The following REV1 variants were observed in gnomAD, a reference collection of about 807,000 sequenced individuals.
REV1 encodes REV1 DNA directed polymerase, also known as translesion synthesis protein REV1.
REV1 carries 42 observed loss-of-function variants against 137.4 expected under a neutral mutation model. The observed-to-expected ratio is 0.31, with a 90% CI of 0.24 to 0.40. The LOEUF (loss-of-function observed/expected upper bound fraction) is 0.40, where lower values mean the gene tolerates loss of function less well. Ranked by LOEUF, REV1 falls within the 10% of genes least tolerant of loss-of-function variation. REV1 has a pLI of 1.00. For synonymous variants in REV1, 524 were observed against 519.2 expected, an observed-to-expected ratio of 1.01 and a Z score of -0.12; for missense variants, 1,282 against 1,490.1, an observed-to-expected ratio of 0.86 and a Z score of 2.30.
chr2:99,470,274 C>T (rs1685268992), intron 1 of REV1, among the ~76,000 whole-genome samples: 2 of 152,100 alleles, frequency 1.3e-5, no homozygotes, highest in South Asian at 2.1e-4. Flanking sequence ...ATCTGTAACT[C>T]TAAAGTCTGT....
intron 14 of REV1, 124 bp downstream of exon 14, chr2:99,410,571 A>C: frequency 2.4e-6 from 2 of 832,036 alleles, no homozygotes; most frequent in East Asian, 5.5e-5. Context: ...GCTTCTACAG[A>C]ATACCAGATT....
Position 99,402,950 on chromosome 2 carries a change from C to A in REV1, c.3323G>T (p.Ser1108Ile), listed in dbSNP as rs764318798. Residue 1108 changes from serine to isoleucine, a missense_variant, in exon 20 of 23, where the codon AGT becomes ATT. Ser to Ile is a moderately radical substitution (Grantham distance 142). Transcript: ENST00000258428. ...PAKTLPGACGSPQKLIDGFLK... is the reference protein window; with the variant it reads ...PAKTLPGACGIPQKLIDGFLK... Reference sequence around the variant, plus strand: ...AAACCCATCAATTAACTTCTGGGGACTGCCACAGGCCCCTGGCAGAGTTTT... The same window carrying A: ...AAACCCATCAATTAACTTCTGGGGAATGCCACAGGCCCCTGGCAGAGTTTT... 1.4e-5 allele frequency: 23 copies of A among 1,614,126 alleles called. No homozygotes were observed. The highest frequency in any genetic ancestry group is 1.9e-5 in the Non-Finnish European group (22 of 1,180,058).
At chr2:99,454,588 A>C (rs867638223) in intron 3 of REV1, among the ~76,000 whole-genome samples, 7 of 144,516 alleles carry the variant, frequency 4.8e-5, no homozygotes, top group Admixed American at 2.1e-4. Flanking sequence ...AAAAAAAAAA[A>C]AAACCCAAAA....
At chr2:99,469,034 C>T (rs781183244) in intron 1 of REV1, among the ~76,000 whole-genome samples, 1 of 152,164 alleles carries the variant, frequency 6.6e-6, no homozygotes, top group African/African-American at 2.4e-5. Flanking sequence ...GTGAGTCTAA[C>T]AGCACTGAGC....
chr2:99,481,327 AT>A (rs1319000556), intron 1 of REV1, among the ~76,000 whole-genome samples: 3 of 152,218 alleles, frequency 2.0e-5, no homozygotes, highest in Admixed American at 6.5e-5. Context: ...AAGCTACAAA[AT>A]TTATGTAATT....
chr2:99,421,043 TGGA>T (rs1678592088), intron 11 of REV1, among the ~76,000 whole-genome samples: 2 of 152,202 alleles, frequency 1.3e-5, no homozygotes, highest in South Asian at 4.1e-4. Flanking sequence ...TGGATGGAGA[TGGA>T]GGAGAGACTG....
intron 3 of REV1, among the ~76,000 whole-genome samples, chr2:99,450,515 A>G (rs1682801519): frequency 6.6e-6 from 1 of 152,200 alleles, no homozygotes; most frequent in Non-Finnish European, 1.5e-5. Context: ...TATGACAATA[A>G]TTAGGTGAGC....
At chr2:99,475,888 G>A (rs1307019295) in intron 1 of REV1, among the ~76,000 whole-genome samples, 2 of 152,178 alleles carry the variant, frequency 1.3e-5, no homozygotes, top group African/African-American at 2.4e-5. Context: ...GGAGGCTGAG[G>A]CAGAGAACTG....
rs1677043359 is a variant in REV1, at chr2:99,410,896, C to T, written c.2173-29G>A. On this transcript the variant is annotated intron_variant, in intron 13 of 22. Transcript: ENST00000258428. ...TGGAAAGACAAACGTGGAGAAACTACCATTCCACTTTCCTATATACCTAAT... is the reference window on the plus strand; with the variant it reads ...TGGAAAGACAAACGTGGAGAAACTATCATTCCACTTTCCTATATACCTAAT... 5.8e-6 allele frequency: 9 copies of T among 1,555,854 alleles called. No homozygotes were observed. The South Asian group carries it at 6.1e-5, about 10-fold the overall frequency.
At chr2:99,407,103 T>TTTTTTTTTTTTC (rs1676428085) in intron 15 of REV1, among the ~76,000 whole-genome samples, 1 of 141,294 alleles carries the variant, frequency 7.1e-6, no homozygotes, top group Non-Finnish European at 1.5e-5. Context: ...TTTTTTTTTT[T>TTTTTTTTTTTTC]TTTTGAGACA....
chr2:99,405,610 TAC>T, intron 17 of REV1: 1 of 229,674 alleles, frequency 4.4e-6, no homozygotes, highest in Non-Finnish European at 8.4e-6. Flanking sequence ...CCTTGCTGAA[TAC>T]AGTAAGTCTG....
intron 3 of REV1, among the ~76,000 whole-genome samples, chr2:99,457,681 T>A: frequency 7.0e-6 from 1 of 143,090 alleles, no homozygotes; most frequent in African/African-American, 2.7e-5. Context: ...TGAGACCCTG[T>A]CTCAAGAAAA....
At chr2:99,403,524 T>C in intron 19 of REV1, 171 bp downstream of exon 19, 2 of 852,266 alleles carry the variant, frequency 2.3e-6, no homozygotes, top group Non-Finnish European at 3.6e-6. Context: ...CAAATCCAAC[T>C]AGAAATATGA....
chr2:99,459,700 T>C (rs1683959988), intron 3 of REV1, among the ~76,000 whole-genome samples: 1 of 152,104 alleles, frequency 6.6e-6, no homozygotes, highest in African/African-American at 2.4e-5. Flanking sequence ...AGGGAGACCC[T>C]ATCTCAAAAC....
intron 13 of REV1, among the ~76,000 whole-genome samples, chr2:99,411,822 C>G (rs527998086): frequency 1.3e-5 from 2 of 152,182 alleles, no homozygotes; most frequent in African/African-American, 4.8e-5. Context: ...GCCCAAACAT[C>G]ATCTATCTCC....
intron 1 of REV1, among the ~76,000 whole-genome samples, chr2:99,488,913 AT>A (rs1413116960): frequency 2.6e-5 from 4 of 152,360 alleles, no homozygotes; most frequent in Admixed American, 6.5e-5. Context: ...AGTCTGCATT[AT>A]TTTCACCTAA....
chr2:99,461,247 AC>A (rs1559387952), intron 3 of REV1, among the ~76,000 whole-genome samples: 1 of 152,226 alleles, frequency 6.6e-6, no homozygotes, highest in Non-Finnish European at 1.5e-5. Flanking sequence ...CTCTTACTAA[AC>A]CAGATAAATG....
intron 3 of REV1, among the ~76,000 whole-genome samples, chr2:99,458,882 G>T (rs1683827768): frequency 6.6e-6 from 1 of 152,148 alleles, no homozygotes; most frequent in Non-Finnish European, 1.5e-5. Context: ...AACAGAAGTG[G>T]GTGTGACTAT....
At chr2:99,455,197 T>C (rs1372214599) in intron 3 of REV1, among the ~76,000 whole-genome samples, 1 of 152,216 alleles carries the variant, frequency 6.6e-6, no homozygotes, top group Non-Finnish European at 1.5e-5. Context: ...AGAAGTGAGG[T>C]GAATGGCTGC....
Sources: allele counts gnomAD v4.1 joint callset (sites outside exome capture counted in the v4.1 genomes callset), GRCh38; gene constraint gnomAD v4.1.1; transcripts MANE v1.5; gene names NCBI Gene and HGNC (gene_info 2026-07-23, HGNC 2026-07-21).